Variants in MAPK8IP3 observed in about 807,000 individuals in gnomAD.
The protein encoded by MAPK8IP3 is mitogen-activated protein kinase 8 interacting protein 3.
In MAPK8IP3, 49 loss-of-function variants were observed where a neutral mutation model predicts 157.8. That is an observed-to-expected ratio of 0.31 (90% CI 0.25 to 0.39). The LOEUF (loss-of-function observed/expected upper bound fraction) is 0.39. Ranked by LOEUF, MAPK8IP3 falls within the 10% of genes least tolerant of loss-of-function variation. MAPK8IP3 has a pLI of 1.00. For synonymous variants in MAPK8IP3, 897 were observed against 777.7 expected (o/e 1.15, Z -2.55); for missense variants, 1,478 against 1,889.4 (o/e 0.78, Z 4.04).
rs1429030302 is a variant in MAPK8IP3, at chr16:1,768,269, C to T, written c.3633C>T (p.Asp1211=). ...GCATCATCCACGTGTATGGCGATGACAGCAGTGACAGGGCGGCCAGCAGCT... is the reference window on the plus strand; with the variant it reads ...GCATCATCCACGTGTATGGCGATGATAGCAGTGACAGGGCGGCCAGCAGCT... ...PGGIIHVYGD[D]SSDRAASSFI... Residue 1211 remains aspartate (D), a synonymous_variant, in exon 30 of 32, where the codon GAC becomes GAT. Coordinates refer to ENST00000610761, the MANE Select transcript of MAPK8IP3 (RefSeq NM_001318852.2). The T allele has an allele frequency of 1.2e-6, 2 of 1,612,026 alleles. No homozygotes were observed. The highest frequency in any genetic ancestry group is 1.7e-6 in the Non-Finnish European group (2 of 1,179,992).
intron 2 of MAPK8IP3, among the ~76,000 whole-genome samples, chr16:1,725,187 A>ATTATTATTATT (rs1567147703): frequency 7.7e-6 from 1 of 130,036 alleles, no homozygotes; most frequent in East Asian, 2.5e-4. Context: ...TTATTATTAT[A>ATTATTATTATT]AGAACAGTTG....
At position 1,767,554 on chromosome 16, in the gene MAPK8IP3, G is replaced by A. The variant is rs768652528; in HGVS notation, c.3238-10G>A. 3.7e-6 allele frequency: 6 copies of A among 1,609,326 alleles called. No individual in the cohort carries two copies. The Admixed American group carries it at 6.7e-5, about 18-fold the overall frequency. ...CCCAGCCCTGTTGATGGGCAGCCATGACTCCACAGAAGTCATTTGACGCCC... is the reference window on the plus strand; with the variant it reads ...CCCAGCCCTGTTGATGGGCAGCCATAACTCCACAGAAGTCATTTGACGCCC... On this transcript the variant is annotated splice_polypyrimidine_tract_variant and intron_variant, in intron 26 of 31. Transcript: ENST00000610761.
chr16:1,707,716 A>G (rs371996852), intron 1 of MAPK8IP3: 1 of 152,222 alleles, frequency 6.6e-6, no homozygotes, highest in Non-Finnish European at 1.5e-5. Flanking sequence ...TCGATTTTCC[A>G]TCAAAGGAGT....
At chr16:1,717,548 C>T (rs1398935992) in intron 1 of MAPK8IP3, among the ~76,000 whole-genome samples, 4 of 152,240 alleles carry the variant, frequency 2.6e-5, no homozygotes, top group Non-Finnish European at 5.9e-5. Flanking sequence ...TTTCACTAGA[C>T]TCGGTTAGAT....
chr16:1,710,323 A>C lies in MAPK8IP3; in HGVS notation c.318+3666A>C, dbSNP rs1305709774. ...ACTAAAGAAAAAAAAAAGAAAAAAAAATTAGCCAGGTGTGGCGGCAGGCCC... is the reference window on the plus strand; with the variant it reads ...ACTAAAGAAAAAAAAAAGAAAAAAACATTAGCCAGGTGTGGCGGCAGGCCC... On this transcript the variant is annotated intron_variant, in intron 1 of 31. Transcript: ENST00000610761. This position sits in a 1 kb window ranked among gnomAD's most constrained non-coding sequence, Gnocchi z 4.1. Among the ~76,000 whole-genome samples the C allele has an allele frequency of 1.3e-5, 2 of 151,648 alleles. No homozygotes were observed. The highest frequency in any genetic ancestry group is 4.9e-5 in the African/African-American group (2 of 41,230).
intron 8 of MAPK8IP3, among the ~76,000 whole-genome samples, chr16:1,754,122 G>A (rs1310570447): frequency 1.3e-5 from 2 of 151,328 alleles, no homozygotes; most frequent in Admixed American, 6.6e-5. Context: ...GCAGTGAGCC[G>A]AGATCGCACC....
intron 14 of MAPK8IP3, 68 bp from the exon 15 acceptor site, chr16:1,762,607 G>A (rs1284060135): frequency 5.2e-6 from 8 of 1,547,008 alleles, no homozygotes; most frequent in African/African-American, 2.7e-5. Context: ...CCTGGCGGGA[G>A]CCAGAGAGTC....
intron 4 of MAPK8IP3, among the ~76,000 whole-genome samples, chr16:1,738,745 C>CTG (rs1317731218): frequency 4.2e-4 from 35 of 83,940 alleles, no homozygotes; most frequent in East Asian, 9.3e-4. Context: ...ATGTGAGCAT[C>CTG]TGTGACCGTC....
chr16:1,715,526 T>G lies in MAPK8IP3; in HGVS notation c.318+8869T>G, dbSNP rs563354604. ...ACGTGCCCGGCACCTGTCTGCCTGC[T>G]TAAGATAAAAGACCAAAAATGAGCG... On this transcript the variant is annotated intron_variant, in intron 1 of 31. Coordinates refer to ENST00000610761, the MANE Select transcript of MAPK8IP3 (RefSeq NM_001318852.2). Among the ~76,000 whole-genome samples the G allele has an allele frequency of 3.4e-4, 52 of 152,306 alleles. 1 individual carries two copies. In the South Asian group the frequency reaches 0.011, roughly 31 times the overall value.
chr16:1,737,556 A>T (rs1361663396), intron 4 of MAPK8IP3, among the ~76,000 whole-genome samples: 2 of 84,962 alleles, frequency 2.4e-5, no homozygotes, highest in African/African-American at 4.9e-5. Flanking sequence ...GAGTGTGACC[A>T]TCCATGTGAG....
chr16:1,714,813 C>CT (rs910714111), intron 1 of MAPK8IP3, among the ~76,000 whole-genome samples: 1 of 152,106 alleles, frequency 6.6e-6, no homozygotes, highest in African/African-American at 2.4e-5. Context: ...TAGCAGGCCT[C>CT]TCGTTCAGTG....
At chr16:1,762,572 G>A (rs1401257536) in intron 14 of MAPK8IP3, 91 bp downstream of exon 14, 10 of 1,572,730 alleles carry the variant, frequency 6.4e-6, no homozygotes, top group Non-Finnish European at 6.1e-6. Context: ...TGTCTTCTGG[G>A]GGGACTGAAG....
chr16:1,730,254 C>T (rs1418255668), intron 4 of MAPK8IP3, among the ~76,000 whole-genome samples: 1 of 151,648 alleles, frequency 6.6e-6, no homozygotes, highest in Non-Finnish European at 1.5e-5. Context: ...GAGTGAGCCC[C>T]GTCTCTAAAA....
At chr16:1,739,372 G>C (rs1233638214) in intron 4 of MAPK8IP3, among the ~76,000 whole-genome samples, 2 of 148,148 alleles carry the variant, frequency 1.3e-5, no homozygotes, top group African/African-American at 5.0e-5. Flanking sequence ...GAGCATCCGT[G>C]TGACCGTCCG....
rs752710188 is a variant in MAPK8IP3, at chr16:1,766,237, G to A, written c.2647G>A (p.Ala883Thr). ...TAACACAGGGGAGGTGGCCACCATC[G>A]CCAACGGGAAGGTCAACCCGTCCCA... is the stretch of plus-strand genomic sequence containing the variant. ...DKGQGEVATI[A>T]NGKVNPSQST... is the part of the protein sequence containing the mutation. Residue 883 changes from alanine to threonine, a missense_variant, in exon 22 of 32, where the codon GCC (alanine) becomes ACC (threonine). Physicochemically the swap from Ala to Thr is moderately conservative, Grantham distance 58 (BLOSUM62 0). Coordinates refer to ENST00000610761, the MANE Select transcript of MAPK8IP3 (RefSeq NM_001318852.2). 41 of 1,609,636 alleles carry A rather than the reference G, an allele frequency of 2.5e-5. No homozygotes were observed. Among genetic ancestry groups the A allele is most frequent in the Non-Finnish European group, 2.8e-5 (33 of 1,178,194 alleles).
At chr16:1,768,445 G>A (rs201963813) in intron 30 of MAPK8IP3, 32 bp from the exon 31 acceptor site, 124 of 1,589,516 alleles carry the variant, frequency 7.8e-5, no homozygotes, top group Admixed American at 4.0e-4. Flanking sequence ...CCCCCAGGAG[G>A]CCGCTGTCCT....
intron 8 of MAPK8IP3, among the ~76,000 whole-genome samples, chr16:1,755,868 A>G (rs951464826): frequency 4.0e-5 from 6 of 150,876 alleles, no homozygotes; most frequent in African/African-American, 1.2e-4. Context: ...AAAAAAAAAA[A>G]GGAAAAGGAA....
chr16:1,768,441 G>C (rs373764475), intron 30 of MAPK8IP3, 36 bp from the exon 31 acceptor site: 71 of 1,590,638 alleles, frequency 4.5e-5, no homozygotes, highest in Non-Finnish European at 5.9e-5. Flanking sequence ...GCCTCCCCCA[G>C]GAGGCCGCTG....
intron 4 of MAPK8IP3, among the ~76,000 whole-genome samples, chr16:1,739,031 CGTCCGTGTGAG>C (rs2040372059): frequency 4.9e-5 from 6 of 123,660 alleles, no homozygotes; most frequent in South Asian, 6.0e-4. Flanking sequence ...TCTGTGTGAG[CGTCCGTGTGAG>C]CGTCCGTGTG....
Sources: allele counts gnomAD v4.1 joint callset (sites outside exome capture counted in the v4.1 genomes callset), GRCh38; gene constraint gnomAD v4.1.1; non-coding constraint Gnocchi (gnomAD v3.1); transcripts MANE v1.5; gene names NCBI Gene and HGNC (gene_info 2026-07-23, HGNC 2026-07-21).